TENM4: variants seen among roughly 807,000 people sequenced by gnomAD.
The protein encoded by TENM4 is teneurin-4.
A neutral mutation model predicts 243.3 loss-of-function variants in TENM4; 82 were observed. That is an observed-to-expected ratio of 0.34 (90% CI 0.28 to 0.40). The LOEUF is 0.40. TENM4 is among the 10% of genes least tolerant of loss of function. The probability of loss-of-function intolerance (pLI) is 1.00; values close to 1 mark genes in which losing one functional copy is unlikely to be tolerated. For synonymous variants in TENM4, 1,412 were observed against 1,456.3 expected (o/e 0.97, Z 0.69); for missense variants, 3,138 against 3,673.3 (o/e 0.85, Z 3.77).
At chr11:79,403,607 T>C (rs943511556) in intron 1 of TENM4, among the ~76,000 whole-genome samples, 8 of 152,194 alleles carry the variant, frequency 5.3e-5, no homozygotes, top group Admixed American at 3.9e-4. Flanking sequence ...CACTGTCATG[T>C]AATTGCCAGT....
chr11:79,290,356 ATTG>A (rs1856333742), intron 2 of TENM4, among the ~76,000 whole-genome samples: 1 of 152,322 alleles, frequency 6.6e-6, no homozygotes, highest in Non-Finnish European at 1.5e-5. Flanking sequence ...CTTTAAGGTT[ATTG>A]TTATTTCTTT....
chr11:79,367,893 G>C (rs527575457), intron 1 of TENM4, among the ~76,000 whole-genome samples: 10 of 152,180 alleles, frequency 6.6e-5, no homozygotes, highest in Admixed American at 2.6e-4. Context: ...TTATTTCTGA[G>C]GATCAAGAGT....
intron 9 of TENM4, among the ~76,000 whole-genome samples, chr11:78,866,814 G>A (rs1444472956): frequency 2.0e-5 from 3 of 152,180 alleles, no homozygotes; most frequent in African/African-American, 7.2e-5. Context: ...AATAACTTTA[G>A]AAGCTGGTGG....
At chr11:78,711,711 C>A (rs1447324908) in intron 26 of TENM4, among the ~76,000 whole-genome samples, 1 of 152,124 alleles carries the variant, frequency 6.6e-6, no homozygotes, top group Non-Finnish European at 1.5e-5. Flanking sequence ...GAACACTCCA[C>A]TGAGTGTGGA....
intron 6 of TENM4, among the ~76,000 whole-genome samples, chr11:78,987,602 G>A (rs1001363768): frequency 6.6e-6 from 1 of 152,204 alleles, no homozygotes; most frequent in Non-Finnish European, 1.5e-5. Flanking sequence ...GTACATGTAA[G>A]TGTACTTTAC....
intron 6 of TENM4, among the ~76,000 whole-genome samples, chr11:79,042,155 ACT>A (rs1859550060): frequency 2.0e-5 from 3 of 152,100 alleles, no homozygotes. Flanking sequence ...GGGTAGGCTG[ACT>A]CTCTTCTAAG....
intron 6 of TENM4, among the ~76,000 whole-genome samples, chr11:78,959,946 CATATAT>C (rs796096110): frequency 1.4e-4 from 21 of 151,848 alleles, no homozygotes; most frequent in African/African-American, 5.1e-4. Context: ...CACACACACA[CATATAT>C]ATATATTTCC....
chr11:79,016,898 T>G (rs1858788757), intron 6 of TENM4, among the ~76,000 whole-genome samples: 1 of 152,226 alleles, frequency 6.6e-6, no homozygotes, highest in South Asian at 2.1e-4. Flanking sequence ...CTTTCAACAC[T>G]TACTTGCTGG....
intron 7 of TENM4, among the ~76,000 whole-genome samples, chr11:78,892,311 A>G (rs1243474710): frequency 2.6e-5 from 4 of 152,178 alleles, no homozygotes; most frequent in African/African-American, 9.7e-5. Flanking sequence ...TCTGTGGTGA[A>G]TCATTTGTAA....
At chr11:78,661,193 T>C (rs977702110) in intron 33 of TENM4, among the ~76,000 whole-genome samples, 2 of 152,230 alleles carry the variant, frequency 1.3e-5, no homozygotes, top group Non-Finnish European at 2.9e-5. Context: ...CTTATTATTT[T>C]TGTGGAACTC....
At chr11:78,967,985 G>A (rs1423283503) in intron 6 of TENM4, among the ~76,000 whole-genome samples, 9 of 152,240 alleles carry the variant, frequency 5.9e-5, no homozygotes, top group Non-Finnish European at 1.3e-4. Flanking sequence ...CAGTGTTGGA[G>A]GTGGCACCTG....
intron 10 of TENM4, among the ~76,000 whole-genome samples, chr11:78,858,505 T>C (rs1424690258): frequency 2.0e-5 from 3 of 152,204 alleles, no homozygotes; most frequent in African/African-American, 7.2e-5. Context: ...AGCCTGCTGA[T>C]CACCTTTACC....
chr11:78,943,286 T>A lies in TENM4; in HGVS notation c.494-39763A>T, dbSNP rs1856942444. Among the ~76,000 whole-genome samples, 3 of 152,218 alleles carry A rather than the reference T, an allele frequency of 2.0e-5. No individual in the cohort carries two copies. In the South Asian group the frequency reaches 6.2e-4, roughly 31 times the overall value. On this transcript the variant is annotated intron_variant, in intron 6 of 33. Coordinates refer to ENST00000278550, the MANE Select transcript of TENM4 (RefSeq NM_001098816.3). ...TTCCAGTCCTAAAGGAAGTATGTTC[T>A]GAAGCTTGAGTTATGTTCCAAGAAG...
intron 17 of TENM4, among the ~76,000 whole-genome samples, chr11:78,771,376 G>A (rs1461719901): frequency 6.6e-6 from 1 of 152,166 alleles, no homozygotes; most frequent in Non-Finnish European, 1.5e-5. Context: ...CAGGGACAGG[G>A]CTGAAACCCA....
intron 3 of TENM4, among the ~76,000 whole-genome samples, chr11:79,202,481 AG>A (rs1344946816): frequency 2.0e-5 from 3 of 152,236 alleles, no homozygotes; most frequent in Admixed American, 1.3e-4. Context: ...AGGAAGGAAA[AG>A]AAAACCAATT....
At chr11:79,342,037 C>T (rs941155197) in intron 1 of TENM4, among the ~76,000 whole-genome samples, 4 of 152,190 alleles carry the variant, frequency 2.6e-5, no homozygotes, top group Non-Finnish European at 5.9e-5. Flanking sequence ...TGCTCTTGTT[C>T]TCTCTGGGCC....
At chr11:79,336,511 G>T (rs1318891642) in intron 1 of TENM4, among the ~76,000 whole-genome samples, 1 of 152,174 alleles carries the variant, frequency 6.6e-6, no homozygotes, top group East Asian at 1.9e-4. Context: ...GAAAGAATCG[G>T]CTGGTTATGT....
intron 1 of TENM4, among the ~76,000 whole-genome samples, chr11:79,400,091 AACACACACCACACACACACACACACACAC>A (rs1858425178): frequency 8.0e-6 from 1 of 124,854 alleles, no homozygotes; most frequent in Non-Finnish European, 1.6e-5. Context: ...GAGACACATA[AACACACACCACACACACACACACACACAC>A]ACACACACAC....
intron 9 of TENM4, among the ~76,000 whole-genome samples, chr11:78,888,824 C>T (rs189931769): frequency 2.6e-5 from 4 of 152,234 alleles, no homozygotes; most frequent in Admixed American, 6.5e-5. Flanking sequence ...AGCATGGGTT[C>T]GAGGCCTTCT....
Sources: gnomAD v4.1 joint callset for allele counts (sites outside exome capture counted in the v4.1 genomes callset) on GRCh38, gnomAD v4.1.1 for gene constraint, MANE v1.5 for transcripts, NCBI Gene and HGNC (gene_info 2026-07-23, HGNC 2026-07-21) for gene names.